The following RSF1 variants were observed in gnomAD, a reference collection of about 807,000 sequenced individuals.
The protein encoded by RSF1 is HBV pX-associated protein 8.
In RSF1, 13 loss-of-function variants were observed where a neutral mutation model predicts 145.2. That is an observed-to-expected ratio of 0.09 (90% CI 0.06 to 0.14). The LOEUF (loss-of-function observed/expected upper bound fraction) is 0.14. RSF1 is among the 10% of genes least tolerant of loss of function. The pLI, the probability that RSF1 is intolerant of heterozygous loss-of-function variation, is 1.00. For missense variants in RSF1, 1,517 were observed against 1,718.2 expected (o/e 0.88, Z 2.07); for synonymous variants, 577 against 592.6 (o/e 0.97, Z 0.38).
chr11:77,808,521 T>C (rs1426167120), intron 1 of RSF1, among the ~76,000 whole-genome samples: 1 of 124,678 alleles, frequency 8.0e-6, no homozygotes, highest in Non-Finnish European at 1.6e-5. Context: ...CATTCAAATA[T>C]TATACCTTTT....
chr11:77,865,070 G>T, the RSF1 span, among the ~76,000 whole-genome samples: 1 of 152,046 alleles, frequency 6.6e-6, no homozygotes, highest in African/African-American at 2.4e-5. Context: ...TAAGGTAAAG[G>T]CCCCTATAAT....
At chr11:77,672,726 A>G (rs1218734342) in intron 14 of RSF1, among the ~76,000 whole-genome samples, 1 of 152,188 alleles carries the variant, frequency 6.6e-6, no homozygotes. Context: ...TATGTCGCCC[A>G]GGCTGGAGTG....
At chr11:77,677,176 A>G (rs1286605146) in intron 12 of RSF1, 177 bp from the exon 13 acceptor site, 1 of 600,112 alleles carries the variant, frequency 1.7e-6, no homozygotes, top group African/African-American at 1.9e-5. Flanking sequence ...GAGTTTTAGC[A>G]TTCGTTTACC....
intron 1 of RSF1, among the ~76,000 whole-genome samples, chr11:77,798,378 A>G (rs1948593185): frequency 6.6e-6 from 1 of 151,818 alleles, no homozygotes; most frequent in Admixed American, 6.6e-5. Flanking sequence ...TGACGTCAGG[A>G]GCTCGAGATC....
the RSF1 span, among the ~76,000 whole-genome samples, chr11:77,861,758 C>T: frequency 5.9e-5 from 9 of 152,192 alleles, no homozygotes; most frequent in South Asian, 2.1e-4. Flanking sequence ...CTCCAAAGTC[C>T]GCTTGCCTGA....
intron 5 of RSF1, among the ~76,000 whole-genome samples, chr11:77,711,351 A>G (rs1960678867): frequency 6.6e-6 from 1 of 152,088 alleles, no homozygotes; most frequent in Non-Finnish European, 1.5e-5. Context: ...ACCATTACCA[A>G]TGTCATTAAA....
the RSF1 span, among the ~76,000 whole-genome samples, chr11:77,830,987 C>CAAAAAAAAAAAA: frequency 9.9e-6 from 1 of 100,514 alleles, no homozygotes; most frequent in Admixed American, 1.1e-4. Context: ...CAAAATATAC[C>CAAAAAAAAAAAA]AAAAAAAAAA....
intron 11 of RSF1, among the ~76,000 whole-genome samples, chr11:77,679,978 T>G (rs754927972): frequency 2.0e-5 from 3 of 152,172 alleles, no homozygotes; most frequent in Non-Finnish European, 4.4e-5. Context: ...TTTAAATTCA[T>G]TAAAATTTAA....
chr11:77,710,946 T>C (rs1011548622), intron 5 of RSF1, among the ~76,000 whole-genome samples: 3 of 152,184 alleles, frequency 2.0e-5, no homozygotes, highest in African/African-American at 7.2e-5. Flanking sequence ...CTTATCATGC[T>C]GCAGAACTGA....
In RSF1 at chr11:77,813,273, T is replaced by C; in HGVS notation, c.187+7255A>G. 7 of 685,860 alleles carry C rather than the reference T, an allele frequency of 1.0e-5. No individual in the cohort carries two copies. The South Asian group carries it at 1.1e-4, about 11-fold the overall frequency. 42.5% of individuals were successfully genotyped at this position (685,860 alleles called of 1,614,324 possible). On this transcript the variant is annotated intron_variant, in intron 1 of 15. Coordinates refer to ENST00000308488, the MANE Select transcript of RSF1 (RefSeq NM_016578.4). ...TGAATGGGATCAAGTCTGCCATTTATAATTTTTTTTTAACAACTGGTAATC... is the reference window on the plus strand; with the variant it reads ...TGAATGGGATCAAGTCTGCCATTTACAATTTTTTTTTAACAACTGGTAATC...
At chr11:77,730,782 C>A (rs1961187637) in intron 4 of RSF1, among the ~76,000 whole-genome samples, 1 of 152,180 alleles carries the variant, frequency 6.6e-6, no homozygotes, top group Non-Finnish European at 1.5e-5. Context: ...CCTGCACAAG[C>A]TTTCTTTTCC....
At chr11:77,744,479 A>G (rs1311169051) in intron 3 of RSF1, among the ~76,000 whole-genome samples, 1 of 152,032 alleles carries the variant, frequency 6.6e-6, no homozygotes, top group Non-Finnish European at 1.5e-5. Flanking sequence ...GCTTTTTAAA[A>G]TATTTTACAG....
chr11:77,729,929 G>A (rs188321626), intron 4 of RSF1, among the ~76,000 whole-genome samples: 47 of 54,808 alleles, frequency 8.6e-4, no homozygotes, highest in Admixed American at 3.4e-3. Context: ...AAAAATTGTG[G>A]AGGCCAAGAA....
chr11:77,684,958 G>A, intron 10 of RSF1, 147 bp downstream of exon 10: 2 of 399,776 alleles, frequency 5.0e-6, no homozygotes, highest in Non-Finnish European at 8.7e-6. Flanking sequence ...TTGCACTCCA[G>A]TCTGGGCAAC....
intron 5 of RSF1, among the ~76,000 whole-genome samples, chr11:77,710,402 T>TA (rs1199863238): frequency 9.9e-5 from 15 of 151,966 alleles, no homozygotes; most frequent in Non-Finnish European, 2.2e-4. Context: ...GTTGATAGTT[T>TA]AGTTTTACAA....
At chr11:77,863,532 G>T in the RSF1 span, among the ~76,000 whole-genome samples, 1 of 152,268 alleles carries the variant, frequency 6.6e-6, no homozygotes, top group Non-Finnish European at 1.5e-5. Flanking sequence ...GGGATTACAG[G>T]CATGTGCCAC....
Position 77,748,197 on chromosome 11 carries a change from G to C in RSF1, c.280-1069C>G, listed in dbSNP as rs1948022082. On this transcript the variant is annotated intron_variant, in intron 2 of 15. Transcript: ENST00000308488. ...AATACAAAACAAGCAGTATGGCCAG[G>C]AACAATATAATAGAGGATCTTTTTT... 2.0e-5 allele frequency among the ~76,000 whole-genome samples: 3 copies of C among 150,014 alleles called. No individual in the cohort carries two copies. The South Asian group carries it at 6.3e-4, about 32-fold the overall frequency.
In RSF1 at chr11:77,746,795, A is replaced by G. The variant is rs369809221; in HGVS notation, c.372+241T>C. On this transcript the variant is annotated intron_variant, in intron 3 of 15. Coordinates refer to ENST00000308488, the MANE Select transcript of RSF1 (RefSeq NM_016578.4). ...AGGCTGAAAACAATGAATAAAACTAATTTGGAGCAACTGCTTGCCCATGTT... is the reference window on the plus strand; with the variant it reads ...AGGCTGAAAACAATGAATAAAACTAGTTTGGAGCAACTGCTTGCCCATGTT... 1.8e-3 allele frequency among the ~76,000 whole-genome samples: 269 copies of G among 152,304 alleles called. 4 individuals are homozygous for G. The highest frequency in any genetic ancestry group is 5.8e-3 in the African/African-American group (242 of 41,564).
chr11:77,733,429 G>C (rs1203539024), intron 4 of RSF1, among the ~76,000 whole-genome samples: 10 of 144,704 alleles, frequency 6.9e-5, no homozygotes, highest in Admixed American at 2.1e-4. Context: ...TGGTACAAAA[G>C]TACTTTCTGT....
Sources: allele counts gnomAD v4.1 joint callset (sites outside exome capture counted in the v4.1 genomes callset), GRCh38; gene constraint gnomAD v4.1.1; transcripts MANE v1.5; gene names NCBI Gene and HGNC (gene_info 2026-07-23, HGNC 2026-07-21).